Variants in SLC6A6 observed in about 807,000 individuals in gnomAD.
SLC6A6 encodes solute carrier family 6 member 6.
A neutral mutation model predicts 68.8 loss-of-function variants in SLC6A6; 16 were observed. That is an observed-to-expected ratio of 0.23 (90% CI 0.16 to 0.35). The LOEUF is 0.35. Among genes scored for constraint, SLC6A6 ranks in the 10% least tolerant of loss-of-function variants. The pLI, the probability that SLC6A6 is intolerant of heterozygous loss-of-function variation, is 1.00. For synonymous variants in SLC6A6, 312 were observed against 315.4 expected, an observed-to-expected ratio of 0.99 and a Z score of 0.12; for missense variants, 474 against 802.8, an observed-to-expected ratio of 0.59 and a Z score of 4.95.
At chr3:14,480,899 T>C (rs80126607) in intron 13 of SLC6A6, among the ~76,000 whole-genome samples, 3,121 of 152,304 alleles carry the variant, frequency 0.02, 130 homozygotes, top group African/African-American at 0.071. Flanking sequence ...TGATGGCCAC[T>C]AGCCATTAGC....
At position 14,484,891 on chromosome 3, in the gene SLC6A6, A is replaced by G. The variant is rs770286335; in HGVS notation, c.1747A>G (p.Arg583Gly). ...LVRVKYLLTP[R>G]EPNRWAVERE... ...GAGAGTCAAGTACCTGCTGACCCCA[A>G]GGGAACCCAACCGCTGGGCTGTGGA... Residue 583 changes from arginine to glycine, a missense_variant, in exon 15 of 15, where the codon AGG becomes GGG. By Grantham distance (125) the Arg-to-Gly change is moderately radical. Transcript: ENST00000622186. The G allele has an allele frequency of 2.5e-6, 4 of 1,612,002 alleles. No individual in the cohort carries two copies. The African/African-American group carries it at 5.3e-5, about 22-fold the overall frequency.
chr3:14,421,304 A>G (rs188815710), intron 2 of SLC6A6, among the ~76,000 whole-genome samples: 42 of 152,314 alleles, frequency 2.8e-4, no homozygotes, highest in Non-Finnish European at 2.2e-4. Context: ...TCCATCCTCT[A>G]GAGATGTACT....
chr3:14,468,708 G>T lies in SLC6A6; in HGVS notation c.1096+496G>T, dbSNP rs184480824. 1.3e-5 allele frequency among the ~76,000 whole-genome samples: 2 copies of T among 152,168 alleles called. No homozygotes were observed. Among genetic ancestry groups the T allele is most frequent in the Non-Finnish European group, 2.9e-5 (2 of 68,036 alleles). ...TCCCAACTCTGTGTCAGGCACCACC[G>T]TAGGCACTGGGTGCAGTGTGTGGGG... On this transcript the variant is annotated intron_variant, in intron 9 of 14. Transcript: ENST00000622186. This position sits in a 1 kb window ranked among gnomAD's most constrained non-coding sequence, Gnocchi z 4.5.
chr3:14,421,005 G>A (rs960646645), intron 2 of SLC6A6, among the ~76,000 whole-genome samples: 7 of 152,192 alleles, frequency 4.6e-5, no homozygotes, highest in Middle Eastern at 3.2e-3. Flanking sequence ...TGGGGTGCAC[G>A]TGTTTGAGAT....
At chr3:14,437,833 A>G (rs1325389601) in intron 2 of SLC6A6, among the ~76,000 whole-genome samples, 1 of 149,700 alleles carries the variant, frequency 6.7e-6, no homozygotes, top group Non-Finnish European at 1.5e-5. Context: ...TATTTTATTT[A>G]TTTTATTTTT....
Position 14,467,906 on chromosome 3 carries a change from G to A in SLC6A6, c.921G>A (p.Gly307=). 6.2e-7 allele frequency: 1 copy of A among 1,613,994 alleles called. No individual in the cohort carries two copies. The highest frequency in any genetic ancestry group is 1.1e-5 in the South Asian group (1 of 91,078). Residue 307 remains glycine, a synonymous_variant, in exon 8 of 15, where the codon GGG becomes GGA. Transcript: ENST00000622186. The stretch of plus-strand genomic sequence containing the variant: ...TCTTCTCTTATGCCATCTGCCTGGG[G>A]GCTATGACCTCGCTGGGGAGCTACA... ...QIFFSYAICL[G]AMTSLGSYNK...
chr3:14,417,972 G>C (rs926528747), intron 2 of SLC6A6, among the ~76,000 whole-genome samples: 1 of 152,118 alleles, frequency 6.6e-6, no homozygotes, highest in Non-Finnish European at 1.5e-5. Context: ...CCTGCTCTAG[G>C]GGCTTTCAGA....
chr3:14,445,377 C>T (rs1301494022), intron 3 of SLC6A6, among the ~76,000 whole-genome samples: 11 of 150,388 alleles, frequency 7.3e-5, no homozygotes, highest in Admixed American at 4.6e-4. Context: ...GCCGAGATCA[C>T]GCCACTGCAT....
At chr3:14,455,520 G>T (rs1700346813) in intron 5 of SLC6A6, among the ~76,000 whole-genome samples, 1 of 152,238 alleles carries the variant, frequency 6.6e-6, no homozygotes, top group African/African-American at 2.4e-5. Flanking sequence ...GGTCTGGTGG[G>T]CAACACAGAC....
At chr3:14,425,760 G>C (rs1466386032) in intron 2 of SLC6A6, among the ~76,000 whole-genome samples, 2 of 152,130 alleles carry the variant, frequency 1.3e-5, no homozygotes, top group Non-Finnish European at 2.9e-5. Flanking sequence ...AAATGGTGTG[G>C]GTTGGGAGAC....
chr3:14,478,887 G>A (rs898180460), intron 12 of SLC6A6, 198 bp from the exon 13 acceptor site: 10 of 600,330 alleles, frequency 1.7e-5, no homozygotes, highest in Middle Eastern at 8.9e-4. Flanking sequence ...TTTGGAGTGT[G>A]CCTCAGATTG....
chr3:14,411,516 T>C (rs566556353), intron 1 of SLC6A6, among the ~76,000 whole-genome samples: 1 of 152,334 alleles, frequency 6.6e-6, no homozygotes, highest in African/African-American at 2.4e-5. Flanking sequence ...CGCCCTGCTC[T>C]GAGCCTTGTG....
chr3:14,443,925 C>A, intron 3 of SLC6A6, 62 bp downstream of exon 3: 2 of 1,222,286 alleles, frequency 1.6e-6, no homozygotes, highest in Non-Finnish European at 2.4e-6. Flanking sequence ...GAGCTGGAGG[C>A]TGGGACCAGA....
At chr3:14,420,052 A>G (rs1386431269) in intron 2 of SLC6A6, among the ~76,000 whole-genome samples, 1 of 152,220 alleles carries the variant, frequency 6.6e-6, no homozygotes, top group East Asian at 1.9e-4. Context: ...AGGCCTGTTC[A>G]ACAGAAGTGC....
chr3:14,434,680 G>A (rs561583085), intron 2 of SLC6A6, among the ~76,000 whole-genome samples: 9 of 152,264 alleles, frequency 5.9e-5, no homozygotes, highest in South Asian at 2.1e-4. Context: ...GGGCACCTCC[G>A]TTTGGAGTAT....
chr3:14,452,726 G>C (rs115147463), intron 5 of SLC6A6, among the ~76,000 whole-genome samples: 1,700 of 152,296 alleles, frequency 0.011, 30 homozygotes, highest in African/African-American at 0.038. Flanking sequence ...ATGAGAAGCC[G>C]CTGGGGCCCC....
intron 2 of SLC6A6, among the ~76,000 whole-genome samples, chr3:14,441,163 A>T (rs1481186020): frequency 6.6e-6 from 1 of 151,788 alleles, no homozygotes. Flanking sequence ...AGTGAAGCAG[A>T]CCCCAGCTCC....
At chr3:14,463,695 T>A (rs1451251808) in intron 6 of SLC6A6, among the ~76,000 whole-genome samples, 1 of 152,190 alleles carries the variant, frequency 6.6e-6, no homozygotes, top group African/African-American at 2.4e-5. Context: ...TTCTGTGGCT[T>A]CCTGATGTGC....
rs776723210 is a variant in SLC6A6 at position 14,447,793 on chromosome 3, C to A, written c.576C>A (p.Thr192=). 10 of 1,614,094 alleles carry A rather than the reference C, an allele frequency of 6.2e-6. No homozygotes were observed. The East Asian group carries it at 2.2e-4, about 36-fold the overall frequency. Residue 192 remains threonine, a synonymous_variant, in exon 5 of 15, where the codon ACC becomes ACA. Coordinates refer to ENST00000622186, the MANE Select transcript of SLC6A6 (RefSeq NM_003043.6). ...TCACCATCAGCTCCACCAACTTCAC[C>A]TCCCCTGTCATCGAGTTCTGGGAGT... ...VWITISSTNF[T]SPVIEFWERN...
Sources: gnomAD v4.1 joint callset for allele counts (sites outside exome capture counted in the v4.1 genomes callset) on GRCh38, gnomAD v4.1.1 for gene constraint, Gnocchi (gnomAD v3.1) non-coding constraint, MANE v1.5 for transcripts, NCBI Gene and HGNC (gene_info 2026-07-23, HGNC 2026-07-21) for gene names.